The following SPRR5 variants were observed in gnomAD, a reference collection of about 807,000 sequenced individuals.
SPRR5 encodes the protein small proline rich protein 5, also known as small proline-rich protein 5.
exon 2 of SPRR5, chr1:152,948,907 A>AC: frequency 9.5e-6 from 2 of 211,582 alleles, no homozygotes; most frequent in East Asian, 9.5e-5. Context: ...TCAGAGGCGA[A>AC]CCCCCAGGAA....
intron 1 of SPRR5, among the ~76,000 whole-genome samples, chr1:152,947,551 T>A (rs1301742423): frequency 6.6e-6 from 1 of 151,900 alleles, no homozygotes; most frequent in South Asian, 2.1e-4. Context: ...AGGGAATTAG[T>A]AGGAGAGGAG....
intron 1 of SPRR5, among the ~76,000 whole-genome samples, 151 bp from the exon 2 acceptor site, chr1:152,948,386 G>GCGCA (rs5777836): frequency 1.6e-3 from 235 of 150,038 alleles, no homozygotes; most frequent in African/African-American, 5.4e-3. Flanking sequence ...ATGCGCGCGC[G>GCGCA]CACACACACA....
Position 152,947,690 on chromosome 1 carries a change from A to G in SPRR5, c.-19+442A>G, listed in dbSNP as rs1651093297. Among the ~76,000 whole-genome samples the G allele has an allele frequency of 3.3e-5, 5 of 152,160 alleles. No individual in the cohort carries two copies. The South Asian group carries it at 1.0e-3, about 32-fold the overall frequency. On this transcript the variant is annotated intron_variant, in intron 1 of 1. Transcript: ENST00000636302. ...GTCCATGGAGCAAAGGGCTGCAGGG[A>G]CAAGACGATGTGGCACCATGGAAGG...
chr1:152,948,852 C>T lies in SPRR5; in HGVS notation c.298C>T (p.Gln100Ter), dbSNP rs1039935822. 2 of 250,534 alleles carry T rather than the reference C, an allele frequency of 8.0e-6. No individual in the cohort carries two copies. Among genetic ancestry groups the T allele is most frequent in the Non-Finnish European group, 1.5e-5 (2 of 132,938 alleles). 15.5% of individuals were successfully genotyped at this position (250,534 alleles called of 1,614,324 possible). Residue 100 changes from glutamine to a stop codon, truncating the protein, a stop_gained, in exon 2 of 2, where the codon CAG (glutamine) becomes TAG (stop). Transcript: ENST00000636302. LOFTEE classifies it high-confidence loss of function. ...CTGTGCCCCCAAGTGCCCACCCCCTCAGCAGTGCCAGACGTCCAAGCAGAA... is the reference window on the plus strand; with the variant it reads ...CTGTGCCCCCAAGTGCCCACCCCCTTAGCAGTGCCAGACGTCCAAGCAGAA...
chr1:152,947,473 A>G (rs992819428), intron 1 of SPRR5, among the ~76,000 whole-genome samples: 1 of 152,134 alleles, frequency 6.6e-6, no homozygotes, highest in Admixed American at 6.5e-5. Context: ...GGGGGTATCT[A>G]CAAGAGGGTC....
At chr1:152,948,310 C>A (rs902343260) in intron 1 of SPRR5, among the ~76,000 whole-genome samples, 9 of 151,536 alleles carry the variant, frequency 5.9e-5, no homozygotes, top group African/African-American at 2.4e-5. Flanking sequence ...TCCTATCTTT[C>A]CTTCCTTCCA....
At chr1:152,948,356 T>C (rs1651113858) in intron 1 of SPRR5, among the ~76,000 whole-genome samples, 181 bp from the exon 2 acceptor site, 1 of 149,764 alleles carries the variant, frequency 6.7e-6, no homozygotes, top group African/African-American at 2.6e-5. Context: ...AAATAACTTG[T>C]AAACACTTAA....
At chr1:152,948,362 CTTAAAGTTTACACA>C (rs1277960076) in intron 1 of SPRR5, among the ~76,000 whole-genome samples, 161 bp from the exon 2 acceptor site, 1 of 148,548 alleles carries the variant, frequency 6.7e-6, no homozygotes, top group Non-Finnish European at 1.5e-5. Context: ...CTTGTAAACA[CTTAAAGTTTACACA>C]TGCGCGCGCG....
intron 1 of SPRR5, among the ~76,000 whole-genome samples, chr1:152,947,974 A>G (rs971564682): frequency 1.3e-5 from 2 of 152,146 alleles, no homozygotes; most frequent in African/African-American, 4.8e-5. Context: ...ACTACTCTGC[A>G]TGTGTGTGTC....
chr1:152,948,019 AAGT>A (rs1187921006), intron 1 of SPRR5, among the ~76,000 whole-genome samples: 1 of 152,186 alleles, frequency 6.6e-6, no homozygotes, highest in Non-Finnish European at 1.5e-5. Flanking sequence ...TGCATATTTT[AAGT>A]ATGTATTTTA....
exon 2 of SPRR5, chr1:152,948,813 A>C (rs1557874755): frequency 1.4e-5 from 1 of 68,978 alleles, no homozygotes; most frequent in East Asian, 3.8e-4. Flanking sequence ...GCCCCCACCC[A>C]AGTGCCAGGA....
rs1307663583 is a variant in SPRR5 at position 152,948,591 on chromosome 1, C to T, written c.37C>T (p.Gln13Ter). ...GAAGCAGAAGCAGTGTGCTCCCCCG[C>T]AGCAGTGCTGCCCCCCACCCCAGCA... The change falls in exon 2 of 2, where the codon CAG becomes TAG. Residue 13 changes from glutamine (Q) to a stop codon, truncating the protein, a stop_gained. Transcript: ENST00000636302. LOFTEE classifies it high-confidence loss of function. 2 of 288,866 alleles carry T rather than the reference C, an allele frequency of 6.9e-6. No homozygotes were observed. Among genetic ancestry groups the T allele is most frequent in the East Asian group, 4.8e-5 (1 of 20,822 alleles). The allele number at this position is 288,866 out of a possible 1,614,324, so 17.9% of individuals were successfully genotyped here. A position where few individuals can be genotyped will look rare whatever the true frequency, so the allele number is the denominator to read the frequency against.
intron 1 of SPRR5, among the ~76,000 whole-genome samples, chr1:152,947,985 G>A (rs766147268): frequency 2.6e-5 from 4 of 152,094 alleles, no homozygotes; most frequent in East Asian, 1.9e-4. Context: ...TGTGTGTGTC[G>A]GTACATACAT....
chr1:152,948,190 C>G (rs1401721876), intron 1 of SPRR5, among the ~76,000 whole-genome samples: 3 of 151,928 alleles, frequency 2.0e-5, no homozygotes, highest in Admixed American at 2.0e-4. Context: ...ATACAACAGT[C>G]TGCTCTTTCA....
chr1:152,947,937 A>G (rs1651098608), intron 1 of SPRR5, among the ~76,000 whole-genome samples: 1 of 151,990 alleles, frequency 6.6e-6, no homozygotes, highest in Admixed American at 6.5e-5. Flanking sequence ...ACAAATTACA[A>G]CTCTTATATA....
chr1:152,948,865 C>T lies in SPRR5; in HGVS notation c.311C>T (p.Thr104Met), dbSNP rs374679762. The change falls in exon 2 of 2, where the codon ACG becomes ATG. Residue 104 changes from threonine (T) to methionine (M), a missense_variant. Transcript: ENST00000636302. Reference sequence around the variant, plus strand: ...TGCCCACCCCCTCAGCAGTGCCAGACGTCCAAGCAGAAGTAAGCCCTGGGC... The same window carrying T: ...TGCCCACCCCCTCAGCAGTGCCAGATGTCCAAGCAGAAGTAAGCCCTGGGC... The T allele has an allele frequency of 9.8e-4, 224 of 229,650 alleles. 3 individuals carry two copies. The South Asian group carries it at 0.025, about 26-fold the overall frequency. The allele number at this position is 229,650 out of a possible 1,614,324, so 14.2% of individuals were successfully genotyped here.
chr1:152,948,433 A>G (rs1161256883), intron 1 of SPRR5, 104 bp from the exon 2 acceptor site: 2 of 205,138 alleles, frequency 9.7e-6, no homozygotes, highest in Non-Finnish European at 2.0e-5. Context: ...GGATCAGGGC[A>G]AGGTAAAAGC....
At chr1:152,948,812 C>G (rs1036120172) in exon 2 of SPRR5, 5 of 240,368 alleles carry the variant, frequency 2.1e-5, no homozygotes, top group Non-Finnish European at 3.9e-5. Flanking sequence ...AGCCCCCACC[C>G]AAGTGCCAGG....
exon 2 of SPRR5, chr1:152,948,645 C>A (rs1333665542): frequency 8.9e-6 from 1 of 112,254 alleles, no homozygotes; most frequent in Non-Finnish European, 1.8e-5. Flanking sequence ...GCAGTGCTGC[C>A]CCCCGCCTCA....
Sources: gnomAD v4.1 joint callset for allele counts (sites outside exome capture counted in the v4.1 genomes callset) on GRCh38, gnomAD v4.1.1 for gene constraint, MANE v1.5 for transcripts, NCBI Gene and HGNC (gene_info 2026-07-23, HGNC 2026-07-21) for gene names.